Variants in EPHB1 observed in about 807,000 individuals in gnomAD.
EPHB1 encodes the protein EPH receptor B1.
In EPHB1, 30 loss-of-function variants were observed where a neutral mutation model predicts 94.4. The observed-to-expected ratio is 0.32, with a 90% CI of 0.24 to 0.43. The LOEUF is 0.43. Ranked by LOEUF, EPHB1 falls within the 20% of genes least tolerant of loss-of-function variation. The pLI is 1.00. For missense variants in EPHB1, 1,055 were observed against 1,308.3 expected, an observed-to-expected ratio of 0.81 and a Z score of 2.99; for synonymous variants, 522 against 489.1, an observed-to-expected ratio of 1.07 and a Z score of -0.89.
chr3:135,103,326 C>T (rs1309048896), intron 3 of EPHB1, among the ~76,000 whole-genome samples: 1 of 152,104 alleles, frequency 6.6e-6, no homozygotes, highest in Non-Finnish European at 1.5e-5. Context: ...ACCCATTATA[C>T]ATAACAGAAA....
intron 5 of EPHB1, among the ~76,000 whole-genome samples, chr3:135,143,761 C>T (rs1940910240): frequency 6.6e-6 from 1 of 152,192 alleles, no homozygotes; most frequent in Admixed American, 6.5e-5. Flanking sequence ...GAAGAGTATC[C>T]TGCTCCACAG....
chr3:135,033,328 G>T (rs770818995), intron 3 of EPHB1, among the ~76,000 whole-genome samples: 49 of 152,316 alleles, frequency 3.2e-4, no homozygotes, highest in Middle Eastern at 3.4e-3. Flanking sequence ...TGTGTGGAAG[G>T]TCAGCTCCTC....
At chr3:135,134,084 C>G (rs1019214059) in intron 5 of EPHB1, among the ~76,000 whole-genome samples, 1 of 152,242 alleles carries the variant, frequency 6.6e-6, no homozygotes, top group Non-Finnish European at 1.5e-5. Context: ...TGAGCAATCT[C>G]TCTCCCGGGG....
chr3:135,149,315 T>A (rs1193374451), intron 5 of EPHB1, among the ~76,000 whole-genome samples: 1 of 152,228 alleles, frequency 6.6e-6, no homozygotes, highest in Non-Finnish European at 1.5e-5. Context: ...AAAAAGAGAC[T>A]CTTTCAGATG....
intron 1 of EPHB1, among the ~76,000 whole-genome samples, chr3:134,855,722 A>T (rs2037100561): frequency 6.6e-6 from 1 of 152,098 alleles, no homozygotes; most frequent in African/African-American, 2.4e-5. Context: ...CAATGATGCC[A>T]TAGGAATAGG....
intron 1 of EPHB1, among the ~76,000 whole-genome samples, chr3:134,841,969 C>T (rs1020139822): frequency 6.6e-6 from 1 of 152,126 alleles, no homozygotes; most frequent in Admixed American, 6.5e-5. Flanking sequence ...CATAGACATC[C>T]CCACACATTG....
rs111632335 is a variant in EPHB1 at position 134,965,425 on chromosome 3, C to T, written c.805+13373C>T. ...TCTAAGAGTTTCCTCTAGGGCCAGG[C>T]GAGGTGGCTCATGCCTGTAGTCCCA... On this transcript the variant is annotated intron_variant, in intron 3 of 15. Coordinates refer to ENST00000398015, the MANE Select transcript of EPHB1 (RefSeq NM_004441.5). Among the ~76,000 whole-genome samples, 256 of 152,232 alleles carry T rather than the reference C, an allele frequency of 1.7e-3. 5 individuals are homozygous for T. Among genetic ancestry groups the T allele is most frequent in the Admixed American group, 0.013 (198 of 15,294 alleles).
chr3:134,901,913 C>T (rs1299167086), intron 1 of EPHB1, among the ~76,000 whole-genome samples: 2 of 152,208 alleles, frequency 1.3e-5, no homozygotes, highest in Non-Finnish European at 2.9e-5. Context: ...GTGGATGTGA[C>T]ATATTCAGCA....
At chr3:134,988,139 G>A (rs1442959597) in intron 3 of EPHB1, among the ~76,000 whole-genome samples, 2 of 152,200 alleles carry the variant, frequency 1.3e-5, no homozygotes, top group Non-Finnish European at 2.9e-5. Flanking sequence ...ATGTTGAGAT[G>A]GGAGGAAGGC....
At chr3:135,120,884 C>T (rs1939931461) in intron 4 of EPHB1, among the ~76,000 whole-genome samples, 1 of 152,110 alleles carries the variant, frequency 6.6e-6, no homozygotes, top group African/African-American at 2.4e-5. Context: ...AGGAAGGGGG[C>T]TCTTAATCAT....
chr3:135,173,474 T>C (rs921181097), intron 9 of EPHB1, among the ~76,000 whole-genome samples: 12 of 152,156 alleles, frequency 7.9e-5, no homozygotes, highest in Non-Finnish European at 1.8e-4. Context: ...AAGGTCCTCC[T>C]CCCACCCACT....
At chr3:134,815,829 C>T (rs1307757265) in intron 1 of EPHB1, among the ~76,000 whole-genome samples, 1 of 152,122 alleles carries the variant, frequency 6.6e-6, no homozygotes, top group East Asian at 1.9e-4. Flanking sequence ...TGAATATTTC[C>T]AAAAGTATAG....
intron 9 of EPHB1, among the ~76,000 whole-genome samples, chr3:135,168,357 T>C (rs1941707592): frequency 6.6e-6 from 1 of 152,236 alleles, no homozygotes; most frequent in Non-Finnish European, 1.5e-5. Flanking sequence ...GCTCCTGCTA[T>C]ATTCAGAGTC....
chr3:134,965,460 G>C (rs1423394392), intron 3 of EPHB1, among the ~76,000 whole-genome samples: 1 of 152,150 alleles, frequency 6.6e-6, no homozygotes, highest in Non-Finnish European at 1.5e-5. Flanking sequence ...AGCACTTTGA[G>C]AGGCCATGGT....
intron 3 of EPHB1, among the ~76,000 whole-genome samples, chr3:135,053,897 C>A (rs555512772): frequency 5.9e-5 from 9 of 151,834 alleles, no homozygotes. Context: ...GAGGCTAAGG[C>A]GGGAGGATAG....
At chr3:134,924,626 T>C (rs4459937) in intron 1 of EPHB1, among the ~76,000 whole-genome samples, 10,160 of 152,220 alleles carry the variant, frequency 0.067, 634 homozygotes, top group Admixed American at 0.2. Flanking sequence ...GGAACTCCCA[T>C]AGACTCTCAC....
Position 135,247,630 on chromosome 3 carries a change from G to A in EPHB1, c.2497-686G>A, listed in dbSNP as rs368224722. Among the ~76,000 whole-genome samples the A allele has an allele frequency of 4.6e-5, 7 of 152,292 alleles. No homozygotes were observed. In the South Asian group the frequency reaches 1.2e-3, roughly 27 times the overall value. On this transcript the variant is annotated intron_variant, in intron 13 of 15. Coordinates refer to ENST00000398015, the MANE Select transcript of EPHB1 (RefSeq NM_004441.5). ...AATCTTTACAAAATTACTCTCTGGC[G>A]TTTGTGAAAATTACCAAAATCTGAT...
chr3:135,094,371 G>A (rs1938673212), intron 3 of EPHB1, among the ~76,000 whole-genome samples: 1 of 152,164 alleles, frequency 6.6e-6, no homozygotes, highest in Non-Finnish European at 1.5e-5. Context: ...CTTCCCCAGA[G>A]TCCCCCCATG....
chr3:134,837,264 T>C (rs114474182), intron 1 of EPHB1, among the ~76,000 whole-genome samples: 1,752 of 152,340 alleles, frequency 0.012, 34 homozygotes, highest in African/African-American at 0.04. Context: ...AACTAAAAGG[T>C]ATACCCTCTA....
Sources: allele counts gnomAD v4.1 joint callset (sites outside exome capture counted in the v4.1 genomes callset), GRCh38; gene constraint gnomAD v4.1.1; transcripts MANE v1.5; gene names NCBI Gene and HGNC (gene_info 2026-07-23, HGNC 2026-07-21).